TMEM132D: variants seen among roughly 807,000 people sequenced by gnomAD.
TMEM132D encodes mature OL transmembrane protein.
TMEM132D carries 21 observed loss-of-function variants against 62.3 expected under a neutral mutation model. The observed-to-expected ratio is 0.34, with a 90% confidence interval of 0.24 to 0.49. TMEM132D has a LOEUF of 0.49. Ranked by LOEUF, TMEM132D falls within the 20% of genes least tolerant of loss-of-function variation. The probability of loss-of-function intolerance (pLI) is 0.99; values close to 1 mark genes in which losing one functional copy is unlikely to be tolerated. For synonymous variants in TMEM132D, 621 were observed against 575.6 expected, an observed-to-expected ratio of 1.08 and a Z score of -1.13; for missense variants, 1,346 against 1,402.8, an observed-to-expected ratio of 0.96 and a Z score of 0.65.
chr12:129,876,826 G>C (rs1399666759), intron 1 of TMEM132D, among the ~76,000 whole-genome samples: 4 of 152,148 alleles, frequency 2.6e-5, no homozygotes, highest in Non-Finnish European at 5.9e-5. Flanking sequence ...ACTGGAATTA[G>C]GTCAGGTATT....
At chr12:129,607,775 G>T (rs1205449676) in intron 2 of TMEM132D, among the ~76,000 whole-genome samples, 2 of 152,126 alleles carry the variant, frequency 1.3e-5, no homozygotes, top group Non-Finnish European at 2.9e-5. Context: ...CTGTGTTTTG[G>T]AGTACCTGTA....
At chr12:129,618,089 G>C (rs1042587782) in intron 2 of TMEM132D, among the ~76,000 whole-genome samples, 1 of 152,132 alleles carries the variant, frequency 6.6e-6, no homozygotes, top group African/African-American at 2.4e-5. Flanking sequence ...ACAACCTAGG[G>C]AGCCTGCTAA....
At chr12:129,896,809 T>C (rs1367769602) in intron 1 of TMEM132D, among the ~76,000 whole-genome samples, 1 of 152,198 alleles carries the variant, frequency 6.6e-6, no homozygotes, top group African/African-American at 2.4e-5. Context: ...TTACTTACTT[T>C]ATATACTTTA....
intron 2 of TMEM132D, chr12:129,698,346 C>T (rs999516560): frequency 6.6e-6 from 1 of 151,388 alleles, no homozygotes; most frequent in Admixed American, 6.6e-5. Context: ...TTTTACCTTC[C>T]AGGACTTAGC....
At chr12:129,446,259 G>C (rs949271681) in intron 3 of TMEM132D, among the ~76,000 whole-genome samples, 3 of 152,178 alleles carry the variant, frequency 2.0e-5, no homozygotes, top group Non-Finnish European at 2.9e-5. Context: ...GGCACTGTTA[G>C]AGAGGATGTG....
At chr12:129,421,003 C>T (rs2135711058) in intron 3 of TMEM132D, among the ~76,000 whole-genome samples, 1 of 148,294 alleles carries the variant, frequency 6.7e-6, no homozygotes, top group East Asian at 2.1e-4. Context: ...GCTCTGTTAC[C>T]CAGGCTGGAG....
chr12:129,391,662 TAAAAAC>T (rs1403304942), intron 3 of TMEM132D, among the ~76,000 whole-genome samples: 1 of 152,214 alleles, frequency 6.6e-6, no homozygotes, highest in African/African-American at 2.4e-5. Context: ...AGCAGTGCTT[TAAAAAC>T]AAAAACAAAA....
intron 5 of TMEM132D, among the ~76,000 whole-genome samples, chr12:129,087,705 T>C (rs527496581): frequency 1.3e-5 from 2 of 152,334 alleles, no homozygotes; most frequent in East Asian, 3.9e-4. Context: ...CCAGTGGAGC[T>C]GATTTCAGAC....
chr12:129,138,080 G>A (rs1328815068), intron 5 of TMEM132D, among the ~76,000 whole-genome samples: 1 of 151,840 alleles, frequency 6.6e-6, no homozygotes, highest in Non-Finnish European at 1.5e-5. Context: ...AACTATAGAG[G>A]GCAAATAACA....
intron 3 of TMEM132D, among the ~76,000 whole-genome samples, chr12:129,366,300 T>A (rs531115037): frequency 1.3e-5 from 2 of 152,138 alleles, no homozygotes; most frequent in Non-Finnish European, 2.9e-5. Flanking sequence ...AGGGGTGGAT[T>A]TCTCATGAAT....
At chr12:129,101,315 G>A (rs117836832) in intron 5 of TMEM132D, among the ~76,000 whole-genome samples, 10 of 152,300 alleles carry the variant, frequency 6.6e-5, no homozygotes, top group East Asian at 3.9e-4. Flanking sequence ...ATAAACGCTC[G>A]TGATTTCATG....
chr12:129,767,878 C>T (rs11060544), intron 1 of TMEM132D, among the ~76,000 whole-genome samples: 31,605 of 152,144 alleles, frequency 0.21, 3,475 homozygotes, highest in South Asian at 0.28. Context: ...CACACTTCCA[C>T]GTGGCTGGGG....
At chr12:129,590,640 TCA>T (rs1878161868) in intron 2 of TMEM132D, among the ~76,000 whole-genome samples, 1 of 152,166 alleles carries the variant, frequency 6.6e-6, no homozygotes, top group African/African-American at 2.4e-5. Context: ...AGACCAGAAA[TCA>T]CAGAGGCTTA....
intron 2 of TMEM132D, among the ~76,000 whole-genome samples, chr12:129,679,309 A>G (rs1880722395): frequency 6.6e-6 from 1 of 152,092 alleles, no homozygotes; most frequent in Admixed American, 6.5e-5. Context: ...TTAAAATGTT[A>G]TAATCAAGAT....
intron 3 of TMEM132D, among the ~76,000 whole-genome samples, chr12:129,481,463 CAAAAA>C (rs60589482): frequency 9.7e-6 from 1 of 103,058 alleles, no homozygotes; most frequent in Admixed American, 1.0e-4. Context: ...ACCCTGTCTC[CAAAAA>C]AAAAAAAAAA....
chr12:129,822,057 A>G (rs1289981054), intron 1 of TMEM132D, among the ~76,000 whole-genome samples: 2 of 152,240 alleles, frequency 1.3e-5, no homozygotes, highest in African/African-American at 4.8e-5. Context: ...GGGTGACAGG[A>G]AATAAATACA....
At chr12:129,879,083 T>C (rs1874517263) in intron 1 of TMEM132D, among the ~76,000 whole-genome samples, 6 of 152,236 alleles carry the variant, frequency 3.9e-5, no homozygotes, top group Admixed American at 3.9e-4. Context: ...GTGATGGAAA[T>C]ATGTGAAATG....
chr12:129,614,087 G>A (rs577753611), intron 2 of TMEM132D, among the ~76,000 whole-genome samples: 2 of 137,792 alleles, frequency 1.5e-5, no homozygotes, highest in East Asian at 4.7e-4. Context: ...CCAGGACCCA[G>A]GTGACTGTCT....
chr12:129,800,375 A>G (rs1317423784), intron 1 of TMEM132D, among the ~76,000 whole-genome samples: 1 of 119,374 alleles, frequency 8.4e-6, no homozygotes, highest in Admixed American at 7.9e-5. Context: ...GCAGCAAAGG[A>G]AAAAAAAAAA....
Sources: gnomAD v4.1 joint callset for allele counts (sites outside exome capture counted in the v4.1 genomes callset) on GRCh38, gnomAD v4.1.1 for gene constraint, MANE v1.5 for transcripts, NCBI Gene and HGNC (gene_info 2026-07-23, HGNC 2026-07-21) for gene names.